GSC2: variants seen among roughly 807,000 people sequenced by gnomAD.
GSC2 encodes homeobox protein goosecoid-2.
A neutral mutation model predicts 11.3 loss-of-function variants in GSC2; 12 were observed. The observed-to-expected ratio is 1.06, with a 90% confidence interval of 0.68 to 1.72. The LOEUF (loss-of-function observed/expected upper bound fraction) is 1.72. GSC2 is among the 40% of genes most tolerant of loss of function. The pLI is 0.00. For missense variants in GSC2, 310 were observed against 235.7 expected, an observed-to-expected ratio of 1.32 and a Z score of -2.06; for synonymous variants, 148 against 110.0, an observed-to-expected ratio of 1.35 and a Z score of -2.16.
At position 19,149,747 on chromosome 22, in the gene GSC2, C is replaced by T. The variant is rs967720793; in HGVS notation, c.429G>A (p.Ala143=). ...FSEEQLQALE[A]LFVQNQYPDV... Reference sequence around the variant, plus strand: ...CAGGATACTGGTTCTGCACGAAAAGCGCCTCGAGCGCCTGCAGCTGCTCTT... The same window carrying T: ...CAGGATACTGGTTCTGCACGAAAAGTGCCTCGAGCGCCTGCAGCTGCTCTT... The change falls in exon 2 of 3, where the codon GCG becomes GCA. Residue 143 remains alanine (A), a synonymous_variant. Transcript: ENST00000086933. 1.9e-6 allele frequency: 3 copies of T among 1,594,834 alleles called. No homozygotes were observed. Among genetic ancestry groups the T allele is most frequent in the Non-Finnish European group, 2.6e-6 (3 of 1,172,546 alleles).
In GSC2 at chr22:19,149,905, C is replaced by G; in HGVS notation, c.271G>C (p.Ala91Pro). 1 of 1,354,878 alleles carries G rather than the reference C, an allele frequency of 7.4e-7. No homozygotes were observed. 83.9% of individuals were successfully genotyped at this position (1,354,878 alleles called of 1,614,324 possible). The stretch of plus-strand genomic sequence containing the variant: ...GCCGGTCCCAGCCTCAGCGGCCACG[C>G]CAGACGAGCGCCTGCGGAGCGAGGG... The part of the protein sequence containing the change: ...EAAAGLGARL[A>P]WPLRLGPAVP... The change falls in exon 2 of 3, where the codon GCG becomes CCG. Residue 91 changes from alanine (A) to proline (P), a missense_variant. Ala to Pro is a conservative substitution (Grantham distance 27, BLOSUM62 -1). Coordinates refer to ENST00000086933, the MANE Select transcript of GSC2 (RefSeq NM_005315.2).
Position 19,149,648 on chromosome 22 carries a change from G to A in GSC2, c.513+15C>T, listed in dbSNP as rs782197860. ...GGCCCGCGCGCTCCGGGGAAAGGCT[G>A]GGCGGGGCACTCACCTCCACGCGCT... On this transcript the variant is annotated intron_variant, in intron 2 of 2. Transcript: ENST00000086933. The A allele has an allele frequency of 2.0e-6, 3 of 1,522,512 alleles. No homozygotes were observed. The highest frequency in any genetic ancestry group is 1.2e-5 in the South Asian group (1 of 82,142). 94.3% of individuals were successfully genotyped at this position (1,522,512 alleles called of 1,614,324 possible).
rs540605118 is a variant in GSC2 at position 19,147,362 on chromosome 22, C to T, written c.*1629G>A. On this transcript the variant is annotated 3_prime_UTR_variant, in exon 3 of 3. Coordinates refer to ENST00000086933, the MANE Select transcript of GSC2 (RefSeq NM_005315.2). ...GCGTGAAGGATGCCTATGTTAATAG[C>T]CTGCTGTGGGGGGTCAGCCTGCCAA... Among the ~76,000 whole-genome samples the T allele has an allele frequency of 6.6e-6, 1 of 152,160 alleles. No homozygotes were observed. The highest frequency in any genetic ancestry group is 1.5e-5 in the Non-Finnish European group (1 of 68,034).
intron 2 of GSC2, 121 bp from the exon 3 acceptor site, chr22:19,149,216 A>G (rs1302839743): frequency 2.0e-5 from 12 of 607,426 alleles, no homozygotes; most frequent in Admixed American, 1.1e-4. Context: ...GGCGCTGTAG[A>G]GCCGACACCC....
Position 19,149,689 on chromosome 22 carries a change from T to C in GSC2, c.487A>G (p.Ile163Val). The C allele has an allele frequency of 6.4e-7, 1 of 1,563,940 alleles. No individual in the cohort carries two copies. The highest frequency in any genetic ancestry group is 1.2e-5 in the South Asian group (1 of 85,602). The change falls in exon 2 of 3, where the codon ATC (isoleucine) becomes GTC (valine). Residue 163 changes from isoleucine to valine, a missense_variant. Coordinates refer to ENST00000086933, the MANE Select transcript of GSC2 (RefSeq NM_005315.2). ...TCCACGCGCTCCTCGCGAAGGCGGA[T>C]GCGGCCGGCCAGGCGCTCGCGCGTA... is the stretch of plus-strand genomic sequence containing the variant. ...VSTRERLAGR[I>V]RLREERVEVW...
chr22:19,149,000 C>A lies in GSC2; in HGVS notation c.609G>T (p.Gly203=). ...GCAGCTCCTAGAGTCATCAGCAGCT[C>A]CCCTTCGGGGACTTCTTGACGCCGG... The part of the protein sequence containing the change: ...LLPGVKKSPK[G]SC The change falls in exon 3 of 3, where the codon GGG becomes GGT. Residue 203 remains glycine (G), a synonymous_variant. Transcript: ENST00000086933. The A allele has an allele frequency of 6.3e-7, 1 of 1,587,524 alleles. No homozygotes were observed. The highest frequency in any genetic ancestry group is 8.6e-7 in the Non-Finnish European group (1 of 1,163,696).
chr22:19,149,922 G>T lies in GSC2; in HGVS notation c.260-6C>A, dbSNP rs868960860. ...CGGCCACGCCAGACGAGCGCCTGCG[G>T]AGCGAGGGCGCGGTGAGGCGCGGGG... On this transcript the variant is annotated splice_polypyrimidine_tract_variant and splice_region_variant and intron_variant, in intron 1 of 2. Coordinates refer to ENST00000086933, the MANE Select transcript of GSC2 (RefSeq NM_005315.2). 2.3e-6 allele frequency: 3 copies of T among 1,325,042 alleles called. No individual in the cohort carries two copies. Among genetic ancestry groups the T allele is most frequent in the Non-Finnish European group, 2.9e-6 (3 of 1,042,814 alleles). 82.1% of individuals were successfully genotyped at this position (1,325,042 alleles called of 1,614,324 possible).
chr22:19,149,987 C>T (rs1448765428), intron 1 of GSC2, 38 bp downstream of exon 1: 21 of 1,137,526 alleles, frequency 1.8e-5, no homozygotes, highest in Non-Finnish European at 2.0e-5. Flanking sequence ...GCGCCCCGGG[C>T]TCCGCCGGGC....
Position 19,148,959 on chromosome 22 carries a change from G to C in GSC2, c.*32C>G. ...GCCAACTCCAAAGATCCCAAAAAGG[G>C]TGGCCGAGCCCAGGGGCAGCTCCTA... On this transcript the variant is annotated 3_prime_UTR_variant, in exon 3 of 3. Coordinates refer to ENST00000086933, the MANE Select transcript of GSC2 (RefSeq NM_005315.2). 1 of 1,318,722 alleles carries C rather than the reference G, an allele frequency of 7.6e-7. No homozygotes were observed. The highest frequency in any genetic ancestry group is 1.1e-6 in the Non-Finnish European group (1 of 937,334). 81.7% of individuals were successfully genotyped at this position (1,318,722 alleles called of 1,614,324 possible). A position where few individuals can be genotyped will look rare whatever the true frequency, so the allele number is the denominator to read the frequency against.
chr22:19,149,935 G>T lies in GSC2; in HGVS notation c.260-19C>A, dbSNP rs2083818709. 7.6e-7 allele frequency: 1 copy of T among 1,314,768 alleles called. No individual in the cohort carries two copies. The highest frequency in any genetic ancestry group is 3.2e-5 in the East Asian group (1 of 31,088). 81.4% of individuals were successfully genotyped at this position (1,314,768 alleles called of 1,614,324 possible). On this transcript the variant is annotated intron_variant, in intron 1 of 2. Coordinates refer to ENST00000086933, the MANE Select transcript of GSC2 (RefSeq NM_005315.2). ...CGAGCGCCTGCGGAGCGAGGGCGCG[G>T]TGAGGCGCGGGGCTGGGGCCAAGCT... is the stretch of plus-strand genomic sequence containing the variant.
chr22:19,149,273 C>T (rs2083811685), intron 2 of GSC2, among the ~76,000 whole-genome samples, 178 bp from the exon 3 acceptor site: 1 of 152,316 alleles, frequency 6.6e-6, no homozygotes, highest in Non-Finnish European at 1.5e-5. Context: ...CGGACAGACT[C>T]GGTGGGTCTG....
In GSC2 at chr22:19,147,235, T is replaced by G. The variant is rs1273113323; in HGVS notation, c.*1756A>C. ...AAATACCTGGCTCAGGGGAAGTGCC[T>G]GGCTTGAGATGTAAATGTGGCAGAA... On this transcript the variant is annotated 3_prime_UTR_variant, in exon 3 of 3. Transcript: ENST00000086933. Among the ~76,000 whole-genome samples the G allele has an allele frequency of 3.7e-4, 57 of 152,042 alleles. No individual in the cohort carries two copies. Among genetic ancestry groups the G allele is most frequent in the Non-Finnish European group, 2.9e-5 (2 of 68,014 alleles).
At position 19,150,190 on chromosome 22, in the gene GSC2, G is replaced by C; in HGVS notation, c.94C>G (p.Arg32Gly). The change falls in exon 1 of 3, where the codon CGG becomes GGG. Residue 32 changes from arginine to glycine, a missense_variant. By Grantham distance (125) the Arg-to-Gly change is moderately radical. Coordinates refer to ENST00000086933, the MANE Select transcript of GSC2 (RefSeq NM_005315.2). ...IEHILSSLPE[R>G]SLPARAACPP... Reference sequence around the variant, plus strand: ...CAGGCGGCCCGGGCCGGGAGGCTCCGCTCGGGCAGGCTGGAGAGGATGTGC... The same window carrying C: ...CAGGCGGCCCGGGCCGGGAGGCTCCCCTCGGGCAGGCTGGAGAGGATGTGC... The C allele has an allele frequency of 6.2e-6, 3 of 481,650 alleles. No individual in the cohort carries two copies. Among genetic ancestry groups the C allele is most frequent in the Non-Finnish European group, 5.6e-6 (2 of 354,266 alleles). 29.8% of individuals were successfully genotyped at this position (481,650 alleles called of 1,614,324 possible). A position where few individuals can be genotyped will look rare whatever the true frequency, so the allele number is the denominator to read the frequency against.
In GSC2 at chr22:19,149,104, G is replaced by A; in HGVS notation, c.514-9C>T. 2 of 1,528,444 alleles carry A rather than the reference G, an allele frequency of 1.3e-6. No homozygotes were observed. The highest frequency in any genetic ancestry group is 2.4e-5 in the South Asian group (2 of 84,158). 94.7% of individuals were successfully genotyped at this position (1,528,444 alleles called of 1,614,324 possible). ...CGGTTCTTGAACCAGACCTGGGGAT[G>A]GGGGGAATGCTCAGCCCTAGCCCCA... On this transcript the variant is annotated splice_polypyrimidine_tract_variant and intron_variant, in intron 2 of 2. Transcript: ENST00000086933.
rs531390593 is a variant in GSC2, at chr22:19,147,349, C to A, written c.*1642G>T. ...CGCCTGGGTGTGAGCGTGAAGGATG[C>A]CTATGTTAATAGCCTGCTGTGGGGG... On this transcript the variant is annotated 3_prime_UTR_variant, in exon 3 of 3. Transcript: ENST00000086933. 1.4e-4 allele frequency among the ~76,000 whole-genome samples: 21 copies of A among 152,258 alleles called. No individual in the cohort carries two copies. The South Asian group carries it at 4.4e-3, about 32-fold the overall frequency.
intron 2 of GSC2, among the ~76,000 whole-genome samples, chr22:19,149,373 A>T (rs576838720): frequency 6.6e-6 from 1 of 152,198 alleles, no homozygotes; most frequent in Non-Finnish European, 1.5e-5. Flanking sequence ...GCTCTTCTGA[A>T]TTTCCCAAAT....
rs544869367 is a variant in GSC2 at position 19,147,666 on chromosome 22, C to T, written c.*1325G>A. ...TTTGTGTGCATGCTAGGGGTGGAGG[C>T]GGGGATGCTAGGGACACCCAGCAGT... is the stretch of plus-strand genomic sequence containing the variant. On this transcript the variant is annotated 3_prime_UTR_variant, in exon 3 of 3. Coordinates refer to ENST00000086933, the MANE Select transcript of GSC2 (RefSeq NM_005315.2). 1.3e-5 allele frequency among the ~76,000 whole-genome samples: 2 copies of T among 152,032 alleles called. No individual in the cohort carries two copies. Among genetic ancestry groups the T allele is most frequent in the South Asian group, 2.1e-4 (1 of 4,824 alleles).
rs2083796866 is a variant in GSC2 at position 19,147,168 on chromosome 22, GAC to G, written c.*1821_*1822del. Among the ~76,000 whole-genome samples, 1 of 152,174 alleles carries G rather than the reference GAC, an allele frequency of 6.6e-6. No homozygotes were observed. The highest frequency in any genetic ancestry group is 1.5e-5 in the Non-Finnish European group (1 of 68,036). On this transcript the variant is annotated 3_prime_UTR_variant, in exon 3 of 3. Coordinates refer to ENST00000086933, the MANE Select transcript of GSC2 (RefSeq NM_005315.2). ...CAGAAGAGCTCACTGTGGACAAGGT[GAC>G]CTTAAGGAGTCTGTGGGCTTCAAGG...
chr22:19,148,894 T>C lies in GSC2; in HGVS notation c.*97A>G. 1.4e-6 allele frequency: 1 copy of C among 707,506 alleles called. No individual in the cohort carries two copies. The highest frequency in any genetic ancestry group is 2.4e-6 in the Non-Finnish European group (1 of 421,780). 43.8% of individuals were successfully genotyped at this position (707,506 alleles called of 1,614,324 possible). Reference sequence around the variant, plus strand: ...AGACGGGTGGAGGCGGCCGGTGTACTCTCCCAGCTCCTTTTCGGGTAGACC... The same window carrying C: ...AGACGGGTGGAGGCGGCCGGTGTACCCTCCCAGCTCCTTTTCGGGTAGACC... On this transcript the variant is annotated 3_prime_UTR_variant, in exon 3 of 3. Transcript: ENST00000086933.
Sources: gnomAD v4.1 joint callset for allele counts (sites outside exome capture counted in the v4.1 genomes callset) on GRCh38, gnomAD v4.1.1 for gene constraint, MANE v1.5 for transcripts, NCBI Gene and HGNC (gene_info 2026-07-23, HGNC 2026-07-21) for gene names.